SGCZ: variants seen among roughly 807,000 people sequenced by gnomAD.
The protein encoded by SGCZ is zeta-sarcoglycan.
In SGCZ, 40 loss-of-function variants were observed where a neutral mutation model predicts 41.3. The observed-to-expected ratio is 0.97, with a 90% CI of 0.75 to 1.26. The LOEUF (loss-of-function observed/expected upper bound fraction) is 1.26. Among genes scored for constraint, SGCZ ranks in the 50% most tolerant of loss-of-function variants. SGCZ has a pLI of 0.00. For synonymous variants in SGCZ, 206 were observed against 137.5 expected (o/e 1.50, Z -3.49); for missense variants, 552 against 369.8 (o/e 1.49, Z -4.04).
chr8:14,550,511 T>C (rs966013317), intron 2 of SGCZ, among the ~76,000 whole-genome samples: 2 of 151,996 alleles, frequency 1.3e-5, no homozygotes, highest in Non-Finnish European at 2.9e-5. Context: ...AATAAATAGT[T>C]TAAAGTGTCA....
At chr8:14,340,943 A>G (rs1443581848) in intron 2 of SGCZ, among the ~76,000 whole-genome samples, 1 of 152,052 alleles carries the variant, frequency 6.6e-6, no homozygotes, top group Non-Finnish European at 1.5e-5. Flanking sequence ...CAACTCCTGA[A>G]TCCCCTCTCC....
At chr8:14,829,054 G>T (rs1427496352) in intron 1 of SGCZ, among the ~76,000 whole-genome samples, 3 of 152,032 alleles carry the variant, frequency 2.0e-5, no homozygotes, top group Non-Finnish European at 2.9e-5. Flanking sequence ...AGGGGTACAT[G>T]TGTCCCTGAA....
At chr8:14,988,965 T>C (rs768195368) in intron 1 of SGCZ, among the ~76,000 whole-genome samples, 13 of 152,264 alleles carry the variant, frequency 8.5e-5, no homozygotes, top group Non-Finnish European at 1.8e-4. Flanking sequence ...AACTTAGTGA[T>C]TCCAAAAACA....
chr8:15,109,157 T>A (rs1806947840), intron 1 of SGCZ, among the ~76,000 whole-genome samples: 2 of 152,276 alleles, frequency 1.3e-5, no homozygotes, highest in South Asian at 4.1e-4. Context: ...AAAATCTTGA[T>A]TTTTCTTGAT....
At position 14,350,369 on chromosome 8, in the gene SGCZ, T is replaced by G. The variant is rs561383792; in HGVS notation, c.235-26165A>C. Among the ~76,000 whole-genome samples the G allele has an allele frequency of 1.5e-4, 23 of 152,236 alleles. No individual in the cohort carries two copies. In the South Asian group the frequency reaches 4.8e-3, roughly 32 times the overall value. ...AGCAAATATATTTTTTACCCAAGTA[T>G]GCTTTTTCAAGTATTTTAGCTTGGA... On this transcript the variant is annotated intron_variant, in intron 2 of 7. Transcript: ENST00000382080.
At chr8:15,091,184 CTT>C (rs1563120173) in intron 1 of SGCZ, among the ~76,000 whole-genome samples, 2 of 152,002 alleles carry the variant, frequency 1.3e-5, no homozygotes, top group African/African-American at 4.8e-5. Context: ...TGTAAACAAA[CTT>C]TTATTTATTT....
At chr8:14,765,187 G>T (rs1007530100) in intron 1 of SGCZ, among the ~76,000 whole-genome samples, 2 of 152,052 alleles carry the variant, frequency 1.3e-5, no homozygotes, top group East Asian at 3.9e-4. Flanking sequence ...TAAAGACCTG[G>T]ACTTGATTCC....
intron 5 of SGCZ, among the ~76,000 whole-genome samples, chr8:14,126,882 A>G (rs1321103043): frequency 6.6e-6 from 1 of 151,956 alleles, no homozygotes; most frequent in African/African-American, 2.4e-5. Flanking sequence ...ACTAACACAG[A>G]AAATCAAACA....
chr8:14,701,057 G>T (rs1809121350), intron 1 of SGCZ, among the ~76,000 whole-genome samples: 2 of 151,924 alleles, frequency 1.3e-5, no homozygotes, highest in Admixed American at 6.6e-5. Flanking sequence ...TTTAGTGAAA[G>T]AAAGTAGGAA....
intron 4 of SGCZ, among the ~76,000 whole-genome samples, chr8:14,221,224 A>T (rs181211085): frequency 3.4e-4 from 52 of 152,340 alleles, no homozygotes; most frequent in South Asian, 8.3e-4. Context: ...GGAGAGGGAG[A>T]TTTGGTTCAC....
At chr8:15,063,981 A>C (rs2131015650) in intron 1 of SGCZ, among the ~76,000 whole-genome samples, 1 of 152,214 alleles carries the variant, frequency 6.6e-6, no homozygotes, top group African/African-American at 2.4e-5. Flanking sequence ...TTATTCCGAT[A>C]TTTTATTCTG....
intron 1 of SGCZ, among the ~76,000 whole-genome samples, chr8:15,069,533 T>A (rs28571715): frequency 0.17 from 25,611 of 152,134 alleles, 2,506 homozygotes; most frequent in African/African-American, 0.27. Flanking sequence ...CCCAGCAGTA[T>A]ACTGGCCCAA....
intron 5 of SGCZ, among the ~76,000 whole-genome samples, chr8:14,158,752 CTA>C (rs1174166916): frequency 4.6e-5 from 7 of 151,872 alleles, no homozygotes; most frequent in Non-Finnish European, 7.4e-5. Context: ...ATACCATATT[CTA>C]TATATATATA....
intron 3 of SGCZ, among the ~76,000 whole-genome samples, chr8:14,306,902 CA>C (rs1801369486): frequency 6.6e-6 from 1 of 152,090 alleles, no homozygotes; most frequent in Non-Finnish European, 1.5e-5. Flanking sequence ...GGATAAAAAG[CA>C]GACAGAAAAT....
intron 1 of SGCZ, among the ~76,000 whole-genome samples, chr8:15,229,105 T>G (rs1165593883): frequency 6.6e-6 from 1 of 152,004 alleles, no homozygotes; most frequent in Non-Finnish European, 1.5e-5. Context: ...GGTGGGAGAA[T>G]CGCTTGAACC....
At chr8:14,386,462 CA>C (rs1245041301) in intron 2 of SGCZ, among the ~76,000 whole-genome samples, 1 of 152,124 alleles carries the variant, frequency 6.6e-6, no homozygotes, top group Non-Finnish European at 1.5e-5. Flanking sequence ...TATATTTGTA[CA>C]AATCTGATAC....
intron 1 of SGCZ, among the ~76,000 whole-genome samples, chr8:14,690,118 T>C (rs1170042190): frequency 6.6e-6 from 1 of 151,782 alleles, no homozygotes; most frequent in Non-Finnish European, 1.5e-5. Context: ...TGTCTCTTTT[T>C]TTTTTTTTTT....
intron 1 of SGCZ, among the ~76,000 whole-genome samples, chr8:14,888,411 C>T (rs1241417567): frequency 6.6e-6 from 1 of 152,022 alleles, no homozygotes; most frequent in Non-Finnish European, 1.5e-5. Flanking sequence ...GCACTTGAAC[C>T]GTGACTATGA....
Position 15,045,067 on chromosome 8 carries a change from C to T in SGCZ, c.39+192518G>A, listed in dbSNP as rs370856928. On this transcript the variant is annotated intron_variant, in intron 1 of 7. Coordinates refer to ENST00000382080, the MANE Select transcript of SGCZ (RefSeq NM_139167.4). ...TATATAAGCCATGTACACAGGAAAT[C>T]TCTTGAGCTTTTTATATTTATTTAT... 5.3e-5 allele frequency among the ~76,000 whole-genome samples: 8 copies of T among 151,344 alleles called. No individual in the cohort carries two copies. In the East Asian group the frequency reaches 7.9e-4, roughly 15 times the overall value.
Sources: gnomAD v4.1 joint callset for allele counts (sites outside exome capture counted in the v4.1 genomes callset) on GRCh38, gnomAD v4.1.1 for gene constraint, MANE v1.5 for transcripts, NCBI Gene and HGNC (gene_info 2026-07-23, HGNC 2026-07-21) for gene names.